The following NAALADL2 variants were observed in gnomAD, a reference collection of about 807,000 sequenced individuals.
NAALADL2 encodes inactive N-acetylated-alpha-linked acidic dipeptidase-like protein 2.
In NAALADL2, 76 loss-of-function variants were observed where a neutral mutation model predicts 87.2. The observed-to-expected ratio is 0.87, with a 90% CI of 0.72 to 1.05. The LOEUF (loss-of-function observed/expected upper bound fraction) is 1.05. Among genes scored for constraint, NAALADL2 ranks in the 50% least tolerant of loss-of-function variants. The pLI is 0.00. For synonymous variants in NAALADL2, 354 were observed against 331.0 expected, an observed-to-expected ratio of 1.07 and a Z score of -0.75; for missense variants, 1,089 against 945.8, an observed-to-expected ratio of 1.15 and a Z score of -1.99.
intron 2 of NAALADL2, among the ~76,000 whole-genome samples, chr3:175,215,546 C>A (rs1285281935): frequency 6.6e-6 from 1 of 151,462 alleles, no homozygotes; most frequent in African/African-American, 2.4e-5. Context: ...CATCAGCAGA[C>A]TTTGCACACC....
chr3:174,449,989 T>C (rs76466477), intron 1 of NAALADL2, among the ~76,000 whole-genome samples: 3,008 of 150,752 alleles, frequency 0.02, 248 homozygotes, highest in East Asian at 0.17. Context: ...AGCATATATA[T>C]ACACACACAT....
chr3:175,467,196 T>C lies in NAALADL2; in HGVS notation c.1533+12T>C. The C allele has an allele frequency of 3.1e-6, 5 of 1,601,484 alleles. No homozygotes were observed. The highest frequency in any genetic ancestry group is 4.3e-6 in the Non-Finnish European group (5 of 1,169,600). On this transcript the variant is annotated intron_variant, in intron 8 of 13. Coordinates refer to ENST00000454872, the MANE Select transcript of NAALADL2 (RefSeq NM_207015.3). ...ATGAATGGGGAGAGGTAAAGCAAAATATACATTAATTACAGTGCTTTTCTT... is the reference window on the plus strand; with the variant it reads ...ATGAATGGGGAGAGGTAAAGCAAAACATACATTAATTACAGTGCTTTTCTT...
chr3:175,354,678 A>G (rs899943016), intron 5 of NAALADL2, among the ~76,000 whole-genome samples: 1 of 151,928 alleles, frequency 6.6e-6, no homozygotes, highest in Non-Finnish European at 1.5e-5. Flanking sequence ...GAATCTTGCT[A>G]TGTTTCCAGG....
rs565134039 is a variant in NAALADL2, at chr3:174,769,654, A to C, written c.-9+31908A>C. ...ATCATAAAAATACAATGAAAAAGGC[A>C]CAGAAAATACAATTTGGAAATTTCT... is the stretch of plus-strand genomic sequence containing the variant. On this transcript the variant is annotated intron_variant, in intron 3 of 3. Transcript: ENST00000434257. Among the ~76,000 whole-genome samples, 9 of 151,046 alleles carry C rather than the reference A, an allele frequency of 6.0e-5. No individual in the cohort carries two copies. The East Asian group carries it at 1.5e-3, about 26-fold the overall frequency.
chr3:175,516,245 A>G (rs2149405829), intron 9 of NAALADL2, among the ~76,000 whole-genome samples: 1 of 152,372 alleles, frequency 6.6e-6, no homozygotes, highest in African/African-American at 2.4e-5. Context: ...CTCTAGGACT[A>G]TGAGATAGCC....
chr3:175,653,434 A>G (rs1254177819), intron 11 of NAALADL2, among the ~76,000 whole-genome samples: 2 of 152,118 alleles, frequency 1.3e-5, no homozygotes, highest in Admixed American at 6.6e-5. Flanking sequence ...CTTCTTCTAT[A>G]TCTTCTTCCT....
At chr3:175,350,355 G>A (rs1231570495) in intron 5 of NAALADL2, among the ~76,000 whole-genome samples, 3 of 152,146 alleles carry the variant, frequency 2.0e-5, no homozygotes, top group Non-Finnish European at 4.4e-5. Flanking sequence ...GTGAGAAGCA[G>A]ATATCTGTCT....
intron 5 of NAALADL2, among the ~76,000 whole-genome samples, chr3:175,427,106 GT>G (rs1716929750): frequency 6.6e-6 from 1 of 152,196 alleles, no homozygotes; most frequent in African/African-American, 2.4e-5. Flanking sequence ...AACAAAAAGT[GT>G]GACCGGTTAG....
chr3:174,844,770 T>G (rs1311551664), intron 3 of NAALADL2, among the ~76,000 whole-genome samples: 2 of 151,384 alleles, frequency 1.3e-5, no homozygotes, highest in African/African-American at 4.8e-5. Context: ...ATATAAATGC[T>G]ACTGATTTTG....
At chr3:174,568,251 T>C (rs1714522803) in intron 2 of NAALADL2, among the ~76,000 whole-genome samples, 1 of 151,856 alleles carries the variant, frequency 6.6e-6, no homozygotes, top group East Asian at 1.9e-4. Flanking sequence ...ATTGATTGAA[T>C]ACATACTTTG....
rs1483155523 is a variant in NAALADL2, at chr3:174,576,176, T to G, written c.-115+25539T>G. Among the ~76,000 whole-genome samples, 15 of 152,076 alleles carry G rather than the reference T, an allele frequency of 9.9e-5. 1 individual carries two copies. The highest frequency in any genetic ancestry group is 9.8e-4 in the Admixed American group (15 of 15,252). On this transcript the variant is annotated intron_variant, in intron 2 of 3. Coordinates refer to the NAALADL2 transcript ENST00000434257. ...CCGTGCCCAGCCTGGGTATATATTG[T>G]TTAACAAAATAGATATGGTTCCTAA...
chr3:175,069,568 T>C (rs1486195723), intron 1 of NAALADL2, among the ~76,000 whole-genome samples: 1 of 150,408 alleles, frequency 6.6e-6, no homozygotes. Flanking sequence ...TTGGTGGGAC[T>C]GTAAACTAGT....
chr3:175,113,432 A>G (rs1260162878), intron 2 of NAALADL2, among the ~76,000 whole-genome samples: 5 of 151,594 alleles, frequency 3.3e-5, no homozygotes, highest in Non-Finnish European at 1.5e-5. Context: ...ATTAAAACTA[A>G]AATTCTTAGG....
intron 11 of NAALADL2, among the ~76,000 whole-genome samples, chr3:175,658,444 T>C (rs1028161483): frequency 2.0e-5 from 3 of 152,178 alleles, no homozygotes; most frequent in African/African-American, 4.8e-5. Context: ...ACTCCGATAC[T>C]ACCTTGAAGG....
At chr3:175,466,328 A>G (rs1724015121) in intron 7 of NAALADL2, among the ~76,000 whole-genome samples, 1 of 152,214 alleles carries the variant, frequency 6.6e-6, no homozygotes, top group Admixed American at 6.5e-5. Context: ...TCAGTAATGT[A>G]CATTGAACAG....
chr3:174,789,559 A>G (rs1717212727), intron 3 of NAALADL2, among the ~76,000 whole-genome samples: 3 of 152,244 alleles, frequency 2.0e-5, no homozygotes, highest in Admixed American at 2.0e-4. Context: ...TGCCTTCTAG[A>G]AATGATGCTG....
chr3:174,611,542 T>G, intron 2 of NAALADL2, among the ~76,000 whole-genome samples: 1 of 152,118 alleles, frequency 6.6e-6, no homozygotes, highest in East Asian at 1.9e-4. Context: ...TGGTTTTCTG[T>G]GCACTTACTA....
intron 2 of NAALADL2, among the ~76,000 whole-genome samples, chr3:175,148,088 AATG>A (rs147242939): frequency 0.075 from 9,432 of 126,006 alleles, 333 homozygotes; most frequent in Non-Finnish European, 0.084. Context: ...TAATAATGAT[AATG>A]ATAATAATAA....
At chr3:175,536,932 A>T (rs1191903484) in intron 9 of NAALADL2, among the ~76,000 whole-genome samples, 1 of 152,238 alleles carries the variant, frequency 6.6e-6, no homozygotes, top group Non-Finnish European at 1.5e-5. Context: ...CAATGAGCAG[A>T]GATCGCGCCA....
Sources: allele counts gnomAD v4.1 joint callset (sites outside exome capture counted in the v4.1 genomes callset), GRCh38; gene constraint gnomAD v4.1.1; transcripts MANE v1.5; gene names NCBI Gene and HGNC (gene_info 2026-07-23, HGNC 2026-07-21).